EPHA5: variants seen among roughly 807,000 people sequenced by gnomAD.
EPHA5 encodes ephrin type-A receptor 5.
EPHA5 carries 60 observed loss-of-function variants against 105.0 expected under a neutral mutation model. The observed-to-expected ratio is 0.57, with a 90% CI of 0.46 to 0.71. The LOEUF is 0.71. EPHA5 is among the 30% of genes least tolerant of loss of function. The pLI, the probability that EPHA5 is intolerant of heterozygous loss-of-function variation, is 0.00. For synonymous variants in EPHA5, 513 were observed against 449.1 expected (o/e 1.14, Z -1.80); for missense variants, 1,218 against 1,274.7 (o/e 0.96, Z 0.68).
chr4:65,472,692 C>T (rs528455702), intron 5 of EPHA5, among the ~76,000 whole-genome samples: 8 of 152,306 alleles, frequency 5.3e-5, no homozygotes, highest in East Asian at 3.9e-4. Flanking sequence ...CATAGGACAC[C>T]AAGTGCCACA....
At chr4:65,336,163 C>T (rs1243567486) in intron 14 of EPHA5, 38 bp from the exon 15 acceptor site, 1 of 1,526,422 alleles carries the variant, frequency 6.6e-7, no homozygotes, top group Non-Finnish European at 8.9e-7. Context: ...CCCAACACCA[C>T]AAATTTAGTA....
chr4:65,658,856 A>G (rs914967483), intron 1 of EPHA5, among the ~76,000 whole-genome samples: 1 of 152,136 alleles, frequency 6.6e-6, no homozygotes, highest in South Asian at 2.1e-4. Flanking sequence ...TTAATAGATC[A>G]AACTCTCGTT....
At chr4:65,360,734 A>C (rs917607872) in intron 11 of EPHA5, among the ~76,000 whole-genome samples, 1 of 151,630 alleles carries the variant, frequency 6.6e-6, no homozygotes, top group African/African-American at 2.4e-5. Context: ...TATATAATTA[A>C]GTTTTTAAAT....
intron 5 of EPHA5, among the ~76,000 whole-genome samples, chr4:65,466,455 C>T (rs923444321): frequency 2.0e-5 from 3 of 152,038 alleles, no homozygotes; most frequent in Non-Finnish European, 4.4e-5. Flanking sequence ...AGTAAGATGG[C>T]GAGTCATTAG....
In EPHA5 at chr4:65,368,670, A is replaced by T. The variant is rs547754176; in HGVS notation, c.1794-1246T>A. ...CTAGACATGGCTATAGCCAAATTAC[A>T]GTATATAAGATGCTTTTCTATTGCA... On this transcript the variant is annotated intron_variant, in intron 8 of 16. Transcript: ENST00000613740. Among the ~76,000 whole-genome samples, 19 of 152,334 alleles carry T rather than the reference A, an allele frequency of 1.2e-4. 1 individual carries two copies. Among genetic ancestry groups the T allele is most frequent in the Admixed American group, 2.6e-4 (4 of 15,294 alleles).
chr4:65,588,762 G>A (rs970972978), intron 3 of EPHA5, among the ~76,000 whole-genome samples: 4 of 152,062 alleles, frequency 2.6e-5, no homozygotes, highest in African/African-American at 9.7e-5. Context: ...ACAACTCTTA[G>A]AAAGCTTCTG....
Position 65,365,680 on chromosome 4 carries a change from TA to T in EPHA5, c.1987+251del, listed in dbSNP as rs1560458152. Among the ~76,000 whole-genome samples the T allele has an allele frequency of 4.0e-4, 45 of 113,572 alleles. 2 individuals are homozygous for T. The highest frequency in any genetic ancestry group is 1.5e-3 in the South Asian group (6 of 3,978). 74.5% of individuals were successfully genotyped at this position (113,572 alleles called of 152,430 possible). A position where few individuals can be genotyped will look rare whatever the true frequency, so the allele number is the denominator to read the frequency against. Reference sequence around the variant, plus strand: ...ATATATATATATATATATATATATATATATATATAGTGAAACATTATCTATT... The same window carrying T: ...ATATATATATATATATATATATATATTATATATAGTGAAACATTATCTATT... On this transcript the variant is annotated intron_variant, in intron 10 of 16. Transcript: ENST00000613740.
Position 65,322,444 on chromosome 4 carries a change from T to G in EPHA5, c.*1670A>C. ...CTCTGATCTACTGTACTATTAACAT[T>G]GATAATCATGAGTAGGCTGTATTTT... is the stretch of plus-strand genomic sequence containing the variant. On this transcript the variant is annotated 3_prime_UTR_variant, in exon 17 of 17. Transcript: ENST00000613740. 1 of 226,132 alleles carries G rather than the reference T, an allele frequency of 4.4e-6. No homozygotes were observed. The highest frequency in any genetic ancestry group is 8.8e-6 in the Non-Finnish European group (1 of 113,472). 14.0% of individuals were successfully genotyped at this position (226,132 alleles called of 1,614,324 possible). A position where few individuals can be genotyped will look rare whatever the true frequency, so the allele number is the denominator to read the frequency against.
At chr4:65,406,671 T>A (rs1722387578) in intron 7 of EPHA5, among the ~76,000 whole-genome samples, 1 of 152,128 alleles carries the variant, frequency 6.6e-6, no homozygotes, top group Non-Finnish European at 1.5e-5. Context: ...ACTCTCAGGG[T>A]GACAAATTTA....
At chr4:65,383,592 A>T (rs1355794432) in intron 8 of EPHA5, among the ~76,000 whole-genome samples, 3 of 151,876 alleles carry the variant, frequency 2.0e-5, no homozygotes, top group Admixed American at 6.6e-5. Context: ...GTTCCCTCTG[A>T]TATTTTGGGA....
intron 8 of EPHA5, among the ~76,000 whole-genome samples, chr4:65,383,098 A>G (rs966257651): frequency 2.0e-5 from 3 of 149,766 alleles, no homozygotes; most frequent in Non-Finnish European, 3.0e-5. Flanking sequence ...AATCTTATGC[A>G]TAAAAAGTAT....
intron 2 of EPHA5, among the ~76,000 whole-genome samples, chr4:65,626,802 A>G (rs893972762): frequency 1.3e-5 from 2 of 152,244 alleles, no homozygotes; most frequent in Admixed American, 1.3e-4. Context: ...CTTTTCTACT[A>G]TGGATCAATA....
chr4:65,364,869 A>C, intron 11 of EPHA5, 148 bp downstream of exon 11: 1 of 551,562 alleles, frequency 1.8e-6, no homozygotes, highest in Non-Finnish European at 2.8e-6. Flanking sequence ...GATTAGCTTT[A>C]ACAAAAATCT....
At position 65,643,393 on chromosome 4, in the gene EPHA5, G is replaced by T. The variant is rs758301814; in HGVS notation, c.216C>A (p.Asp72Glu). 4 of 1,612,568 alleles carry T rather than the reference G, an allele frequency of 2.5e-6. No individual in the cohort carries two copies. The highest frequency in any genetic ancestry group is 2.5e-6 in the Non-Finnish European group (3 of 1,179,112). The change falls in exon 2 of 17, where the codon GAC becomes GAA. Residue 72 changes from aspartate to glutamate, a missense_variant. By Grantham distance (45) the Asp-to-Glu change is conservative (BLOSUM62 2). Around this residue, in one of 3 missense-constraint regions of EPHA5, gnomAD observed 233 missense variants for 227.5 expected, o/e 1.02. Transcript: ENST00000613740. ...TTTTTGGAAAAGCAATCCATCCCAG[G>T]TCCCCCATGACAGTGCGTGAATCCA... is the stretch of plus-strand genomic sequence containing the variant. ...NLLDSRTVMG[D>E]LGWIAFPKNG...
intron 3 of EPHA5, among the ~76,000 whole-genome samples, chr4:65,512,074 A>T (rs181521381): frequency 5.1e-4 from 77 of 152,310 alleles, no homozygotes; most frequent in Middle Eastern, 3.4e-3. Context: ...GAGGTTTTTA[A>T]GAGAATAAGT....
At chr4:65,347,945 T>C (rs1228310520) in intron 14 of EPHA5, 109 bp downstream of exon 14, 1 of 1,162,174 alleles carries the variant, frequency 8.6e-7, no homozygotes, top group Non-Finnish European at 1.2e-6. Context: ...AAGCAAAGTA[T>C]TTCATTTTCT....
intron 3 of EPHA5, among the ~76,000 whole-genome samples, chr4:65,558,960 C>T (rs1200055297): frequency 2.0e-5 from 3 of 151,938 alleles, no homozygotes; most frequent in South Asian, 4.1e-4. Context: ...AGCATAGTAC[C>T]CAACAGATAG....
At chr4:65,605,445 C>A (rs1259737934) in intron 2 of EPHA5, among the ~76,000 whole-genome samples, 1 of 152,124 alleles carries the variant, frequency 6.6e-6, no homozygotes. Context: ...CTTTCCAGAT[C>A]CCCAGCCTAT....
intron 8 of EPHA5, among the ~76,000 whole-genome samples, chr4:65,396,682 G>A (rs886235209): frequency 6.6e-6 from 1 of 152,160 alleles, no homozygotes; most frequent in East Asian, 1.9e-4. Context: ...TGATAGAACA[G>A]GGATTAGATG....
Sources: allele counts gnomAD v4.1 joint callset (sites outside exome capture counted in the v4.1 genomes callset), GRCh38; gene constraint gnomAD v4.1.1; regional missense constraint gnomAD v4.1.1; transcripts MANE v1.5; gene names NCBI Gene and HGNC (gene_info 2026-07-23, HGNC 2026-07-21).